Variants in CHD7 observed in about 807,000 individuals in gnomAD.
CHD7 encodes the protein ATP-dependent chromatin remodeler CHD7.
A neutral mutation model predicts 307.3 loss-of-function variants in CHD7; 24 were observed. The observed-to-expected ratio is 0.08, with a 90% CI of 0.06 to 0.11. The LOEUF is 0.11. Ranked by LOEUF, CHD7 falls within the 10% of genes least tolerant of loss-of-function variation. The pLI is 1.00. For missense variants in CHD7, 3,106 were observed against 3,727.1 expected, an observed-to-expected ratio of 0.83 and a Z score of 4.34; for synonymous variants, 1,363 against 1,349.9, an observed-to-expected ratio of 1.01 and a Z score of -0.21.
chr8:60,821,607 T>G lies in CHD7; in HGVS notation c.2698-183T>G, dbSNP rs190121386. On this transcript the variant is annotated intron_variant, in intron 9 of 37. Coordinates refer to ENST00000423902, the MANE Select transcript of CHD7 (RefSeq NM_017780.4). ...ATAAGCATATATACACACATACATATGTATAAACATATATATACATATGTA... is the reference window on the plus strand; with the variant it reads ...ATAAGCATATATACACACATACATAGGTATAAACATATATATACATATGTA... Among the ~76,000 whole-genome samples, 729 of 150,964 alleles carry G rather than the reference T, an allele frequency of 4.8e-3. 2 individuals carry two copies. The highest frequency in any genetic ancestry group is 0.017 in the African/African-American group (688 of 41,198).
rs766498514 is a variant in CHD7 at position 60,853,470 on chromosome 8, G to A, written c.6745G>A (p.Asp2249Asn). 35 of 1,516,622 alleles carry A rather than the reference G, an allele frequency of 2.3e-5. No homozygotes were observed. In the East Asian group the frequency reaches 5.4e-4, roughly 24 times the overall value. 93.9% of individuals were successfully genotyped at this position (1,516,622 alleles called of 1,614,324 possible). A position where few individuals can be genotyped will look rare whatever the true frequency, so the allele number is the denominator to read the frequency against. ...EDEEEKLEDDDKSEESSQPEA... is the reference protein window; with the variant it reads ...EDEEEKLEDDNKSEESSQPEA... ...TGAAGAGGAAAAGCTGGAGGATGAC[G>A]ATAAGTCGGAAGAGTCTTCCCAGCC... The change falls in exon 31 of 38, where the codon GAT becomes AAT. Residue 2249 changes from aspartate to asparagine, a missense_variant. Asp to Asn is a conservative substitution (Grantham distance 23). Coordinates refer to ENST00000423902, the MANE Select transcript of CHD7 (RefSeq NM_017780.4).
chr8:60,845,866 C>G (rs1317502832), intron 23 of CHD7, among the ~76,000 whole-genome samples: 1 of 152,204 alleles, frequency 6.6e-6, no homozygotes, highest in Non-Finnish European at 1.5e-5. Context: ...AACACTGTAT[C>G]AATTAAACAG....
chr8:60,821,790 C>T lies in CHD7; in HGVS notation c.2698C>T (p.Pro900Ser), dbSNP rs1224277360. The T allele has an allele frequency of 7.7e-6, 12 of 1,555,382 alleles. No homozygotes were observed. In the Middle Eastern group the frequency reaches 6.6e-4, roughly 86 times the overall value. The change falls in exon 10 of 38, where the codon CCT (proline) becomes TCT (serine). Residue 900 changes from proline to serine, a missense_variant and splice_region_variant. Transcript: ENST00000423902. ...FARSTDDRGE[P>S]VTHYLVKWCS... ...TCTGATTTATTTAAATCTGGTCCAG[C>T]CTGTGACTCACTATCTGGTGAAGTG...
chr8:60,699,948 A>C (rs1482274826), intron 1 of CHD7, among the ~76,000 whole-genome samples: 1 of 151,682 alleles, frequency 6.6e-6, no homozygotes, highest in Non-Finnish European at 1.5e-5. Context: ...CTCCTGCCTC[A>C]GCCTCCCGAG....
At position 60,828,698 on chromosome 8, in the gene CHD7, G is replaced by A. The variant is rs1804365588; in HGVS notation, c.3414G>A (p.Gln1138=). The A allele has an allele frequency of 6.2e-7, 1 of 1,612,950 alleles. No homozygotes were observed. The highest frequency in any genetic ancestry group is 8.5e-7 in the Non-Finnish European group (1 of 1,179,466). ...TGCTGCTGACGGGAACCCCACTCCA[G>A]AACACTGTGGAAGAACTCTTCAGCT... ...HKVLLTGTPL[Q]NTVEELFSLL... is the part of the protein sequence containing the mutation. The change falls in exon 14 of 38, where the codon CAG becomes CAA. Residue 1138 remains glutamine, a synonymous_variant. Coordinates refer to ENST00000423902, the MANE Select transcript of CHD7 (RefSeq NM_017780.4).
intron 7 of CHD7, among the ~76,000 whole-genome samples, chr8:60,810,739 C>G (rs1284294798): frequency 6.6e-6 from 1 of 152,124 alleles, no homozygotes; most frequent in Non-Finnish European, 1.5e-5. Context: ...GGGACTAAAA[C>G]TTTATCCAAA....
At position 60,781,113 on chromosome 8, in the gene CHD7, G is replaced by A. The variant is rs1238570506; in HGVS notation, c.1779G>A (p.Gln593=). ...ATTACCTGCCATCAATAGAACAGCA[G>A]CCACAACAAAAGAAGAAGAAAAAGA... The part of the protein sequence containing the change: ...SDDYLPSIEQ[Q]PQQKKKKKKN... The change falls in exon 3 of 38, where the codon CAG becomes CAA. Residue 593 remains glutamine, a synonymous_variant. Transcript: ENST00000423902. 6.2e-7 allele frequency: 1 copy of A among 1,610,936 alleles called. No individual in the cohort carries two copies. Among genetic ancestry groups the A allele is most frequent in the Non-Finnish European group, 8.5e-7 (1 of 1,178,576 alleles).
At chr8:60,775,606 A>G (rs1210215323) in intron 2 of CHD7, among the ~76,000 whole-genome samples, 2 of 152,232 alleles carry the variant, frequency 1.3e-5, no homozygotes, top group Non-Finnish European at 2.9e-5. Flanking sequence ...TATATTTTGA[A>G]GGACATTTTA....
chr8:60,826,443 TGAGA>T (rs1343266805), intron 13 of CHD7, among the ~76,000 whole-genome samples: 1 of 152,224 alleles, frequency 6.6e-6, no homozygotes, highest in African/African-American at 2.4e-5. Flanking sequence ...ATAAGCATCT[TGAGA>T]ACTTAGCCAC....
Position 60,781,351 on chromosome 8 carries a change from G to A in CHD7, c.2017G>A (p.Ala673Thr). 1 of 1,560,816 alleles carries A rather than the reference G, an allele frequency of 6.4e-7. No individual in the cohort carries two copies. The highest frequency in any genetic ancestry group is 1.7e-4 in the Middle Eastern group (1 of 5,890). Residue 673 changes from alanine to threonine, a missense_variant, in exon 3 of 38, where the codon GCC (alanine) becomes ACC (threonine). Physicochemically the swap from Ala to Thr is moderately conservative, Grantham distance 58. Coordinates refer to ENST00000423902, the MANE Select transcript of CHD7 (RefSeq NM_017780.4). Reference sequence around the variant, plus strand: ...GCCCAAGGAACCCAAGACCCCGAAAGCCCCTAAGATTCCCAAAGAGCCAAA... The same window carrying A: ...GCCCAAGGAACCCAAGACCCCGAAAACCCCTAAGATTCCCAAAGAGCCAAA... ...KEPKEPKTPK[A>T]PKIPKEPKEK...
At position 60,822,031 on chromosome 8, in the gene CHD7, C is replaced by T; in HGVS notation, c.2843C>T (p.Pro948Leu). Residue 948 changes from proline to leucine, a missense_variant, in exon 11 of 38, where the codon CCT (proline) becomes CTT (leucine). Physicochemically the swap from Pro to Leu is moderately conservative, Grantham distance 98. Around this residue, in one of 10 missense-constraint regions of CHD7, gnomAD observed 188 missense variants for 261.7 expected, o/e 0.72. Coordinates refer to ENST00000423902, the MANE Select transcript of CHD7 (RefSeq NM_017780.4). ...TTACTATATTTGAAACAGGAGCGAC[C>T]TCCTGCTGATGATTGGAAGAAATCG... ...REPETERVERPPADDWKKSES... is the reference protein window; with the variant it reads ...REPETERVERLPADDWKKSES... 1 of 1,613,772 alleles carries T rather than the reference C, an allele frequency of 6.2e-7. No individual in the cohort carries two copies. The highest frequency in any genetic ancestry group is 1.1e-5 in the South Asian group (1 of 91,068).
intron 1 of CHD7, among the ~76,000 whole-genome samples, chr8:60,722,837 AAG>A (rs991429008): frequency 6.6e-6 from 1 of 152,230 alleles, no homozygotes; most frequent in Non-Finnish European, 1.5e-5. Context: ...ATGTATTAAA[AAG>A]AGAGGAATTT....
chr8:60,793,649 A>G (rs1046405870), intron 3 of CHD7, among the ~76,000 whole-genome samples: 1 of 152,164 alleles, frequency 6.6e-6, no homozygotes, highest in Admixed American at 6.5e-5. Flanking sequence ...CTGTCAGCAC[A>G]TTTTCCTGAG....
At chr8:60,837,129 A>G (rs1170855722) in intron 17 of CHD7, 117 bp downstream of exon 17, 20 of 799,644 alleles carry the variant, frequency 2.5e-5, no homozygotes, top group East Asian at 1.3e-4. Context: ...GCTGTGTCCT[A>G]TGATTCAGAG....
At chr8:60,702,482 T>C (rs894660592) in intron 1 of CHD7, among the ~76,000 whole-genome samples, 2 of 152,216 alleles carry the variant, frequency 1.3e-5, no homozygotes, top group Non-Finnish European at 2.9e-5. Context: ...ACAGAACAAC[T>C]GGAATCTATG....
At position 60,806,866 on chromosome 8, in the gene CHD7, G is replaced by A. The variant is rs183001893; in HGVS notation, c.2443-1351G>A. 9.2e-4 allele frequency among the ~76,000 whole-genome samples: 140 copies of A among 152,218 alleles called. 1 individual carries two copies. The highest frequency in any genetic ancestry group is 3.4e-3 in the Middle Eastern group (1 of 294). On this transcript the variant is annotated intron_variant, in intron 6 of 37. Transcript: ENST00000423902. ...GAAAATACAGAATTAGCTGAGCATG[G>A]TGATGTGTGCCCGTAGTCCCAGCTA...
chr8:60,730,817 G>A (rs1808412753), intron 1 of CHD7, among the ~76,000 whole-genome samples: 1 of 151,672 alleles, frequency 6.6e-6, no homozygotes, highest in African/African-American at 2.4e-5. Flanking sequence ...CTGAGATCGC[G>A]CCACTGCACT....
intron 35 of CHD7, chr8:60,861,975 A>G (rs1805998295): frequency 5.5e-6 from 2 of 361,392 alleles, no homozygotes; most frequent in Non-Finnish European, 9.9e-6. Context: ...ATTGATAGAT[A>G]AAAGGAAAAG....
chr8:60,748,987 T>TAAAAA (rs372874769), intron 2 of CHD7, among the ~76,000 whole-genome samples: 3,720 of 149,292 alleles, frequency 0.025, 105 homozygotes, highest in African/African-American at 0.059. Flanking sequence ...TTTTTTTTTT[T>TAAAAA]AAAAAAATAG....
Sources: gnomAD v4.1 joint callset for allele counts (sites outside exome capture counted in the v4.1 genomes callset) on GRCh38, gnomAD v4.1.1 for gene constraint, gnomAD v4.1.1 regional missense constraint, MANE v1.5 for transcripts, NCBI Gene and HGNC (gene_info 2026-07-23, HGNC 2026-07-21) for gene names.